Variants in RBM19 observed in about 807,000 individuals in gnomAD.
RBM19 encodes probable RNA-binding protein 19.
In RBM19, 94 loss-of-function variants were observed where a neutral mutation model predicts 116.8. The ratio of observed to expected loss-of-function variants is 0.80; its 90% CI spans 0.68 to 0.95. The LOEUF is 0.95. Among genes scored for constraint, RBM19 ranks in the 40% least tolerant of loss-of-function variants. The pLI, the probability that RBM19 is intolerant of heterozygous loss-of-function variation, is 0.00. For synonymous variants in RBM19, 475 were observed against 494.1 expected (o/e 0.96, Z 0.51); for missense variants, 1,161 against 1,220.7 (o/e 0.95, Z 0.73).
intron 15 of RBM19, among the ~76,000 whole-genome samples, chr12:113,938,126 C>G (rs1870234117): frequency 6.6e-6 from 1 of 152,064 alleles, no homozygotes. Flanking sequence ...AACAGGAGGC[C>G]TCACCTAGTC....
At chr12:113,850,289 A>T (rs1026499705) in intron 22 of RBM19, among the ~76,000 whole-genome samples, 1 of 152,174 alleles carries the variant, frequency 6.6e-6, no homozygotes, top group Non-Finnish European at 1.5e-5. Flanking sequence ...GGCCCTACTC[A>T]GAATTTGAGG....
chr12:113,819,661 C>A (rs1874290433), downstream of RBM19, among the ~76,000 whole-genome samples: 1 of 152,214 alleles, frequency 6.6e-6, no homozygotes, highest in African/African-American at 2.4e-5. Flanking sequence ...CCCGTGTCCC[C>A]CTCCCAGTGA....
At chr12:113,912,808 T>C (rs928049478) in intron 21 of RBM19, among the ~76,000 whole-genome samples, 16 of 152,146 alleles carry the variant, frequency 1.1e-4, no homozygotes, top group African/African-American at 3.1e-4. Flanking sequence ...TAATGACCTT[T>C]ACCGGCCAGT....
At chr12:113,879,339 A>G (rs931598324) in intron 21 of RBM19, among the ~76,000 whole-genome samples, 4 of 151,636 alleles carry the variant, frequency 2.6e-5, no homozygotes, top group South Asian at 4.2e-4. Context: ...GGTCATCTGT[A>G]CCTAAGGTCT....
chr12:113,893,521 CT>C (rs1209850095), intron 21 of RBM19, among the ~76,000 whole-genome samples: 2 of 152,200 alleles, frequency 1.3e-5, no homozygotes, highest in East Asian at 3.9e-4. Flanking sequence ...CTGCGGATGT[CT>C]TTTCCTTCCA....
intron 18 of RBM19, among the ~76,000 whole-genome samples, chr12:113,923,739 G>A (rs1244213967): frequency 6.6e-6 from 1 of 152,234 alleles, no homozygotes; most frequent in East Asian, 1.9e-4. Flanking sequence ...GGCTGATGTG[G>A]TGTCCCCTGT....
At chr12:113,941,607 AT>A in intron 14 of RBM19, among the ~76,000 whole-genome samples, 1 of 125,526 alleles carries the variant, frequency 8.0e-6, no homozygotes, top group South Asian at 3.0e-4. Flanking sequence ...CCATCCATCC[AT>A]CCAACCATCA....
At chr12:113,884,116 A>AAAAAAAAAAC (rs1490686114) in intron 21 of RBM19, among the ~76,000 whole-genome samples, 2 of 145,894 alleles carry the variant, frequency 1.4e-5, no homozygotes, top group Non-Finnish European at 3.0e-5. Flanking sequence ...CTCTACCAAA[A>AAAAAAAAAAC]AAAAAAAAAA....
chr12:113,922,506 C>T (rs1271044405), intron 18 of RBM19, among the ~76,000 whole-genome samples: 1 of 152,178 alleles, frequency 6.6e-6, no homozygotes, highest in African/African-American at 2.4e-5. Context: ...AAGGCTGGCC[C>T]CACAGAGCAT....
At chr12:113,853,878 G>A (rs1448651034) in intron 22 of RBM19, among the ~76,000 whole-genome samples, 4 of 152,172 alleles carry the variant, frequency 2.6e-5, no homozygotes, top group Admixed American at 2.6e-4. Context: ...TTGTTCCCAA[G>A]AGACGTTTTA....
At chr12:113,926,494 C>A (rs1323390087) in intron 17 of RBM19, among the ~76,000 whole-genome samples, 1 of 152,154 alleles carries the variant, frequency 6.6e-6, no homozygotes, top group East Asian at 1.9e-4. Flanking sequence ...AACTGGAGGC[C>A]CCGTTGTTTC....
intron 21 of RBM19, among the ~76,000 whole-genome samples, chr12:113,893,048 G>C (rs1043993036): frequency 6.4e-5 from 9 of 140,932 alleles, no homozygotes; most frequent in Non-Finnish European, 9.1e-5. Context: ...TTTTTAATAA[G>C]AGAGATGGGG....
intron 21 of RBM19, among the ~76,000 whole-genome samples, chr12:113,864,270 G>A (rs778773557): frequency 5.3e-5 from 8 of 152,182 alleles, no homozygotes; most frequent in Non-Finnish European, 1.2e-4. Flanking sequence ...TCACCAGCAG[G>A]TCAAGTATTA....
chr12:113,962,650 C>T (rs779768666), intron 1 of RBM19, among the ~76,000 whole-genome samples: 1 of 152,234 alleles, frequency 6.6e-6, no homozygotes, highest in Non-Finnish European at 1.5e-5. Flanking sequence ...ATAATGGCTG[C>T]AAATGACATC....
chr12:113,955,308 C>T (rs1871834097), intron 6 of RBM19, 97 bp from the exon 7 acceptor site: 1 of 1,211,344 alleles, frequency 8.3e-7, no homozygotes, highest in Non-Finnish European at 1.2e-6. Flanking sequence ...AGAGAAGGTG[C>T]CTGCCGCCAG....
At chr12:113,916,524 C>A (rs1222526731) in intron 20 of RBM19, among the ~76,000 whole-genome samples, 1 of 152,134 alleles carries the variant, frequency 6.6e-6, no homozygotes, top group Non-Finnish European at 1.5e-5. Context: ...TAATCCCTTC[C>A]CATGCTGTAT....
intron 2 of RBM19, among the ~76,000 whole-genome samples, chr12:113,960,795 T>A (rs1409825607): frequency 6.6e-6 from 1 of 152,104 alleles, no homozygotes; most frequent in South Asian, 2.1e-4. Context: ...AGAGAACAAT[T>A]CTAGGGTGAT....
chr12:113,875,686 G>C (rs1015383722), intron 21 of RBM19, among the ~76,000 whole-genome samples: 1 of 152,240 alleles, frequency 6.6e-6, no homozygotes, highest in African/African-American at 2.4e-5. Flanking sequence ...CAGAAGTGAA[G>C]AGAAAGACGA....
chr12:113,846,901 C>CG (rs1440170835), intron 22 of RBM19, among the ~76,000 whole-genome samples: 1 of 152,062 alleles, frequency 6.6e-6, no homozygotes, highest in Non-Finnish European at 1.5e-5. Context: ...TTTGTAGAGA[C>CG]GGGGTCTCCC....
Sources: allele counts gnomAD v4.1 joint callset (sites outside exome capture counted in the v4.1 genomes callset), GRCh38; gene constraint gnomAD v4.1.1; transcripts MANE v1.5; gene names NCBI Gene and HGNC (gene_info 2026-07-23, HGNC 2026-07-21).